CNTNAP4: variants seen among roughly 807,000 people sequenced by gnomAD.
CNTNAP4 encodes contactin associated protein family member 4.
In CNTNAP4, 98 loss-of-function variants were observed where a neutral mutation model predicts 148.4. The ratio of observed to expected loss-of-function variants is 0.66; its 90% CI spans 0.56 to 0.78. The LOEUF (loss-of-function observed/expected upper bound fraction) is 0.78, where lower values mean the gene tolerates loss of function less well. CNTNAP4 is among the 30% of genes least tolerant of loss of function. CNTNAP4 has a pLI of 0.00. For synonymous variants in CNTNAP4, 730 were observed against 565.1 expected (o/e 1.29, Z -4.14); for missense variants, 1,935 against 1,565.6 (o/e 1.24, Z -3.98).
At chr16:76,469,823 T>C (rs1206642793) in intron 10 of CNTNAP4, among the ~76,000 whole-genome samples, 1 of 152,184 alleles carries the variant, frequency 6.6e-6, no homozygotes, top group East Asian at 1.9e-4. Flanking sequence ...CTAACAATCT[T>C]AAAAATATAG....
rs1597169071 is a variant in CNTNAP4 at position 76,559,419 on chromosome 16, C to T, written c.*736C>T. Among the ~76,000 whole-genome samples, 1 of 152,026 alleles carries T rather than the reference C, an allele frequency of 6.6e-6. No individual in the cohort carries two copies. Among genetic ancestry groups the T allele is most frequent in the African/African-American group, 2.4e-5 (1 of 41,424 alleles). ...TGTCTTTCCTTTTAAAAAAAGTTTT[C>T]CAATTAATTTGCTACCATTGTTTGA... On this transcript the variant is annotated 3_prime_UTR_variant, in exon 24 of 24. Transcript: ENST00000611870.
intron 12 of CNTNAP4, among the ~76,000 whole-genome samples, chr16:76,488,119 T>C (rs2082089703): frequency 6.6e-6 from 1 of 152,186 alleles, no homozygotes; most frequent in Admixed American, 6.5e-5. Flanking sequence ...AAACTTCCGA[T>C]AGCCAAGGTT....
Position 76,495,051 on chromosome 16 carries a change from C to T in CNTNAP4, c.2222C>T (p.Ala741Val). Reference sequence around the variant, plus strand: ...TCTCAGTATTACTGCAATTGTGATGCTGACCGGAATGAATGGTGATTTCCA... The same window carrying T: ...TCTCAGTATTACTGCAATTGTGATGTTGACCGGAATGAATGGTGATTTCCA... ...IDSQYYCNCD[A>V]DRNEWTNDTG... Residue 741 changes from alanine (A) to valine (V), a missense_variant, in exon 14 of 24, where the codon GCT becomes GTT. Physicochemically the swap from Ala to Val is moderately conservative, Grantham distance 64. Coordinates refer to ENST00000611870, the MANE Select transcript of CNTNAP4 (RefSeq NM_033401.5). The T allele has an allele frequency of 6.2e-7, 1 of 1,612,990 alleles. No homozygotes were observed. Among genetic ancestry groups the T allele is most frequent in the Non-Finnish European group, 8.5e-7 (1 of 1,179,280 alleles).
At chr16:76,341,858 A>G (rs1289303383) in intron 2 of CNTNAP4, among the ~76,000 whole-genome samples, 3 of 152,216 alleles carry the variant, frequency 2.0e-5, no homozygotes, top group Non-Finnish European at 2.9e-5. Context: ...GCTCCATGAA[A>G]GATGCTGAAA....
intron 3 of CNTNAP4, among the ~76,000 whole-genome samples, chr16:76,393,218 T>C (rs942166509): frequency 3.3e-5 from 5 of 152,182 alleles, no homozygotes; most frequent in African/African-American, 1.2e-4. Flanking sequence ...ATGATGATTT[T>C]ACTACCCACT....
chr16:76,374,007 G>C (rs1209301071), intron 3 of CNTNAP4, among the ~76,000 whole-genome samples: 2 of 151,778 alleles, frequency 1.3e-5, no homozygotes, highest in Admixed American at 1.3e-4. Flanking sequence ...AGTCCAAAAT[G>C]AATCACTTGT....
At chr16:76,296,532 C>A (rs938518475) in intron 1 of CNTNAP4, among the ~76,000 whole-genome samples, 1 of 151,998 alleles carries the variant, frequency 6.6e-6, no homozygotes, top group African/African-American at 2.4e-5. Flanking sequence ...AAGTTATATT[C>A]AATTTAATTA....
At chr16:76,332,862 G>A (rs953832132) in intron 2 of CNTNAP4, among the ~76,000 whole-genome samples, 4 of 152,140 alleles carry the variant, frequency 2.6e-5, no homozygotes, top group Non-Finnish European at 4.4e-5. Flanking sequence ...TGTTCAAGCA[G>A]TTTATTCTGG....
intron 1 of CNTNAP4, among the ~76,000 whole-genome samples, chr16:76,304,874 C>T (rs1468950033): frequency 6.6e-6 from 1 of 152,152 alleles, no homozygotes; most frequent in Non-Finnish European, 1.5e-5. Flanking sequence ...AGTTTGTAAC[C>T]TTTAAGATAG....
At chr16:76,525,443 G>T (rs4334321) in intron 17 of CNTNAP4, among the ~76,000 whole-genome samples, 95,158 of 148,392 alleles carry the variant, frequency 0.64, 31,280 homozygotes, top group African/African-American at 0.8. Context: ...AATCTATATA[G>T]AGAGAGAAAA....
At chr16:76,321,993 G>A (rs1962470925) in intron 2 of CNTNAP4, among the ~76,000 whole-genome samples, 1 of 152,096 alleles carries the variant, frequency 6.6e-6, no homozygotes, top group African/African-American at 2.4e-5. Flanking sequence ...CCATGACCAG[G>A]CTGGGGCAGG....
At chr16:76,513,051 G>T (rs1184039775) in intron 15 of CNTNAP4, among the ~76,000 whole-genome samples, 1 of 152,152 alleles carries the variant, frequency 6.6e-6, no homozygotes, top group Non-Finnish European at 1.5e-5. Flanking sequence ...GTAAATGGGG[G>T]AGAAAGTATG....
At chr16:76,502,262 G>A (rs1267120108) in intron 15 of CNTNAP4, among the ~76,000 whole-genome samples, 3 of 152,098 alleles carry the variant, frequency 2.0e-5, no homozygotes, top group African/African-American at 4.8e-5. Flanking sequence ...TTTTCTGCAT[G>A]AAGCGTTCTT....
At chr16:76,483,195 G>A (rs2081902603) in intron 12 of CNTNAP4, among the ~76,000 whole-genome samples, 1 of 149,542 alleles carries the variant, frequency 6.7e-6, no homozygotes, top group African/African-American at 2.4e-5. Flanking sequence ...GACAGCGATA[G>A]GTTGATAAAT....
intron 4 of CNTNAP4, among the ~76,000 whole-genome samples, chr16:76,438,179 T>C (rs2079903418): frequency 6.6e-6 from 1 of 152,030 alleles, no homozygotes; most frequent in Admixed American, 6.6e-5. Context: ...GTAGGGAATA[T>C]TTAGAAGAAG....
intron 3 of CNTNAP4, among the ~76,000 whole-genome samples, chr16:76,364,058 A>G (rs1275130934): frequency 1.3e-5 from 2 of 151,816 alleles, no homozygotes; most frequent in Non-Finnish European, 2.9e-5. Flanking sequence ...CCAGTATGGT[A>G]AAATCCTGTA....
At position 76,415,113 on chromosome 16, in the gene CNTNAP4, T is replaced by G. The variant is rs1187797840; in HGVS notation, c.391-12339T>G. ...CGGGATAAACACAATTCCTCCAAAT[T>G]TTGTGTATATTCTTTCAGATTTATA... On this transcript the variant is annotated intron_variant, in intron 3 of 23. Transcript: ENST00000611870. Among the ~76,000 whole-genome samples the G allele has an allele frequency of 3.3e-5, 5 of 151,374 alleles. No homozygotes were observed. In the East Asian group the frequency reaches 9.7e-4, roughly 29 times the overall value.
intron 3 of CNTNAP4, among the ~76,000 whole-genome samples, chr16:76,393,318 A>C (rs2078090930): frequency 6.6e-6 from 1 of 152,228 alleles, no homozygotes; most frequent in African/African-American, 2.4e-5. Context: ...CAAGATGGGA[A>C]TGGTGGGGGT....
At chr16:76,439,146 A>T (rs2079944138) in intron 4 of CNTNAP4, among the ~76,000 whole-genome samples, 1 of 152,128 alleles carries the variant, frequency 6.6e-6, no homozygotes, top group African/African-American at 2.4e-5. Context: ...CTGTAGCAAC[A>T]GCAGCTCCCA....
Sources: gnomAD v4.1 joint callset for allele counts (sites outside exome capture counted in the v4.1 genomes callset) on GRCh38, gnomAD v4.1.1 for gene constraint, MANE v1.5 for transcripts, NCBI Gene and HGNC (gene_info 2026-07-23, HGNC 2026-07-21) for gene names.